ANTXR2: variants seen among roughly 807,000 people sequenced by gnomAD.
The protein encoded by ANTXR2 is ANTXR cell adhesion molecule 2.
A neutral mutation model predicts 73.7 loss-of-function variants in ANTXR2; 44 were observed. The observed-to-expected ratio is 0.60, with a 90% confidence interval of 0.47 to 0.77. The LOEUF (loss-of-function observed/expected upper bound fraction) is 0.77. ANTXR2 is among the 30% of genes least tolerant of loss of function. ANTXR2 has a pLI of 0.00. For missense variants in ANTXR2, 604 were observed against 592.5 expected, an observed-to-expected ratio of 1.02 and a Z score of -0.20; for synonymous variants, 217 against 205.9, an observed-to-expected ratio of 1.05 and a Z score of -0.46.
At chr4:79,913,755 G>A (rs1363578201) in intron 16 of ANTXR2, among the ~76,000 whole-genome samples, 8 of 152,118 alleles carry the variant, frequency 5.3e-5, no homozygotes, top group Non-Finnish European at 1.0e-4. Context: ...AAACCACGAA[G>A]TCCTGTGGCT....
intron 16 of ANTXR2, among the ~76,000 whole-genome samples, chr4:79,937,914 G>A (rs962572088): frequency 7.2e-6 from 1 of 139,434 alleles, no homozygotes; most frequent in Non-Finnish European, 1.5e-5. Flanking sequence ...CCTCACCTGG[G>A]AAGCGCAAGG....
chr4:79,930,430 T>C (rs1036877498), intron 16 of ANTXR2, among the ~76,000 whole-genome samples: 2 of 152,218 alleles, frequency 1.3e-5, no homozygotes, highest in Non-Finnish European at 2.9e-5. Context: ...TCATTTTGGA[T>C]GGAATTCTTT....
chr4:79,998,715 T>C (rs1730857431), intron 12 of ANTXR2, among the ~76,000 whole-genome samples: 1 of 151,992 alleles, frequency 6.6e-6, no homozygotes, highest in Non-Finnish European at 1.5e-5. Context: ...AAGGCAGTTA[T>C]AGAGGATGGA....
chr4:80,000,692 T>C (rs186372747), intron 12 of ANTXR2, among the ~76,000 whole-genome samples: 2 of 152,234 alleles, frequency 1.3e-5, no homozygotes, highest in Admixed American at 6.5e-5. Context: ...AAATTTAATA[T>C]AAAACATCAT....
At chr4:79,913,086 T>C (rs1727210607) in intron 16 of ANTXR2, among the ~76,000 whole-genome samples, 1 of 152,166 alleles carries the variant, frequency 6.6e-6, no homozygotes, top group Admixed American at 6.6e-5. Context: ...TATATTTATG[T>C]TTTTAAAAGT....
chr4:79,958,284 G>A (rs540415767), intron 16 of ANTXR2, among the ~76,000 whole-genome samples: 5 of 152,134 alleles, frequency 3.3e-5, no homozygotes, highest in African/African-American at 1.2e-4. Flanking sequence ...CTGTCAAAAG[G>A]TGAAGTTCTG....
intron 11 of ANTXR2, among the ~76,000 whole-genome samples, chr4:80,010,345 A>G (rs1412663381): frequency 6.6e-6 from 1 of 152,226 alleles, no homozygotes; most frequent in Non-Finnish European, 1.5e-5. Flanking sequence ...AAATATTGTC[A>G]AATGTATAAA....
chr4:79,995,667 A>C (rs1730690760), intron 12 of ANTXR2, among the ~76,000 whole-genome samples: 1 of 151,946 alleles, frequency 6.6e-6, no homozygotes, highest in Admixed American at 6.6e-5. Flanking sequence ...CCATATGTCT[A>C]TATGCAATTA....
At chr4:79,932,054 A>AT (rs989955637) in intron 16 of ANTXR2, among the ~76,000 whole-genome samples, 13 of 152,088 alleles carry the variant, frequency 8.5e-5, no homozygotes, top group South Asian at 2.1e-4. Context: ...AGGTATTCTG[A>AT]TTTTTTTTAT....
intron 7 of ANTXR2, among the ~76,000 whole-genome samples, chr4:80,049,691 A>G (rs1442348241): frequency 6.6e-6 from 1 of 151,662 alleles, no homozygotes; most frequent in Non-Finnish European, 1.5e-5. Flanking sequence ...TTTTTGCTCT[A>G]TTCTTAGTCA....
In ANTXR2 at chr4:80,014,106, G is replaced by A. The variant is rs544478564; in HGVS notation, c.945+4792C>T. On this transcript the variant is annotated intron_variant, in intron 11 of 16. Transcript: ENST00000403729. The stretch of plus-strand genomic sequence containing the variant: ...TCTTCCTTTGTCTTCTTCACTCGGT[G>A]TCTGGTCTTCCCACGTCTTAAGCAG... Among the ~76,000 whole-genome samples, 5 of 152,156 alleles carry A rather than the reference G, an allele frequency of 3.3e-5. No individual in the cohort carries two copies. In the South Asian group the frequency reaches 1.0e-3, roughly 32 times the overall value.
chr4:79,907,448 G>A lies in ANTXR2; in HGVS notation c.1448C>T (p.Ser483Phe). 6.2e-7 allele frequency: 1 copy of A among 1,612,972 alleles called. No homozygotes were observed. Among genetic ancestry groups the A allele is most frequent in the Non-Finnish European group, 8.5e-7 (1 of 1,179,380 alleles). Reference protein sequence around the residue: ...EGDEGRCINFSRVPSQ With the variant: ...EGDEGRCINFFRVPSQ ...TCCCTTTTACTGAGATGGAACTCGG[G>A]AGAAGTTTATGCACCGGCCCTGAAG... The change falls in exon 17 of 17, where the codon TCC becomes TTC. Residue 483 changes from serine to phenylalanine, a missense_variant. Transcript: ENST00000403729.
chr4:79,914,199 T>C (rs1015749370), intron 16 of ANTXR2, among the ~76,000 whole-genome samples: 1 of 152,162 alleles, frequency 6.6e-6, no homozygotes, highest in Non-Finnish European at 1.5e-5. Context: ...TTGTCAATAC[T>C]GGTAAGCTCA....
At chr4:80,067,404 C>T (rs72867900) in intron 3 of ANTXR2, among the ~76,000 whole-genome samples, 12 of 152,182 alleles carry the variant, frequency 7.9e-5, no homozygotes, top group Admixed American at 6.5e-4. Flanking sequence ...GAACCATATG[C>T]AAAGTGTCTA....
In ANTXR2 at chr4:80,072,636, TCACC is replaced by T; in HGVS notation, c.-80_-77del. ...AGGAGGGTCGCAAAGGTGGCGGGAG[TCACC>T]CGGCACGCACTCTGGGGTGGGGGGC... On this transcript the variant is annotated 5_prime_UTR_variant, in exon 1 of 17. Coordinates refer to ENST00000403729, the MANE Select transcript of ANTXR2 (RefSeq NM_058172.6). 1.5e-6 allele frequency: 2 copies of T among 1,368,996 alleles called. No homozygotes were observed. The highest frequency in any genetic ancestry group is 5.4e-4 in the Middle Eastern group (2 of 3,714). 84.8% of individuals were successfully genotyped at this position (1,368,996 alleles called of 1,614,324 possible). A position where few individuals can be genotyped will look rare whatever the true frequency, so the allele number is the denominator to read the frequency against.
At chr4:79,928,604 A>G (rs888021871) in intron 16 of ANTXR2, among the ~76,000 whole-genome samples, 4 of 152,204 alleles carry the variant, frequency 2.6e-5, no homozygotes, top group African/African-American at 9.6e-5. Flanking sequence ...AAATGGAGTA[A>G]TAAGGTACAT....
chr4:79,977,514 C>T lies in ANTXR2; in HGVS notation c.1428+107G>A, dbSNP rs144148888. On this transcript the variant is annotated intron_variant, in intron 16 of 16. Transcript: ENST00000403729. ...AATCTACACTTGACAGTATTTCCTT[C>T]CTCAAGTGCAATAGGGCTTTAAAAT... 149 of 1,496,666 alleles carry T rather than the reference C, an allele frequency of 1.0e-4. 1 individual carries two copies. In the African/African-American group the frequency reaches 1.6e-3, roughly 16 times the overall value. The allele number at this position is 1,496,666 out of a possible 1,614,324, so 92.7% of individuals were successfully genotyped here. A position where few individuals can be genotyped will look rare whatever the true frequency, so the allele number is the denominator to read the frequency against.
chr4:80,033,554 G>C lies in ANTXR2; in HGVS notation c.714C>G (p.Val238=). Residue 238 remains valine, a synonymous_variant, in exon 9 of 17, where the codon GTC becomes GTG. Coordinates refer to ENST00000403729, the MANE Select transcript of ANTXR2 (RefSeq NM_058172.6). ...SVCVGEEFQI[V]LSGRGFMLGS... ...CCAGCATGAATCCTCTTCCACTTAA[G>C]ACAATCTGAAATTCCTCTAGAAGTA... is the stretch of plus-strand genomic sequence containing the variant. 1 of 1,588,528 alleles carries C rather than the reference G, an allele frequency of 6.3e-7. No homozygotes were observed. Among genetic ancestry groups the C allele is most frequent in the Non-Finnish European group, 8.5e-7 (1 of 1,171,652 alleles).
intron 16 of ANTXR2, among the ~76,000 whole-genome samples, chr4:79,926,952 T>TAA (rs1553925967): frequency 7.3e-5 from 7 of 95,806 alleles, no homozygotes; most frequent in East Asian, 4.9e-4. Context: ...TGTGTATATA[T>TAA]ACGTGTGCAT....
Sources: gnomAD v4.1 joint callset for allele counts (sites outside exome capture counted in the v4.1 genomes callset) on GRCh38, gnomAD v4.1.1 for gene constraint, MANE v1.5 for transcripts, NCBI Gene and HGNC (gene_info 2026-07-23, HGNC 2026-07-21) for gene names.